Variants in HDAC9 observed in about 807,000 individuals in gnomAD.
HDAC9 encodes the protein MEF-2 interacting transcription repressor (MITR) protein.
A neutral mutation model predicts 139.4 loss-of-function variants in HDAC9; 41 were observed. The observed-to-expected ratio is 0.29, with a 90% CI of 0.23 to 0.38. The LOEUF is 0.38. Among genes scored for constraint, HDAC9 ranks in the 10% least tolerant of loss-of-function variants. The pLI is 1.00. For synonymous variants in HDAC9, 517 were observed against 476.2 expected, an observed-to-expected ratio of 1.09 and a Z score of -1.12; for missense variants, 1,147 against 1,297.0, an observed-to-expected ratio of 0.88 and a Z score of 1.78.
intron 2 of HDAC9, among the ~76,000 whole-genome samples, chr7:18,519,461 GA>G (rs948586071): frequency 1.3e-5 from 2 of 152,108 alleles, no homozygotes; most frequent in Non-Finnish European, 2.9e-5. Context: ...CAAAGGCTAT[GA>G]ATAAGACATT....
chr7:18,133,571 G>A (rs991506677), intron 1 of HDAC9, among the ~76,000 whole-genome samples: 4 of 152,126 alleles, frequency 2.6e-5, no homozygotes, highest in African/African-American at 9.7e-5. Flanking sequence ...ATTATAGGAT[G>A]CACATGTTAT....
intron 2 of HDAC9, among the ~76,000 whole-genome samples, chr7:18,525,372 C>T (rs570174360): frequency 6.6e-6 from 1 of 151,960 alleles, no homozygotes; most frequent in East Asian, 1.9e-4. Flanking sequence ...TATCTTTTGT[C>T]CTTTTCTACT....
chr7:18,492,427 T>C (rs915280824), upstream of HDAC9, among the ~76,000 whole-genome samples: 1 of 152,008 alleles, frequency 6.6e-6, no homozygotes, highest in Admixed American at 6.6e-5. Flanking sequence ...AATTGGATTA[T>C]GGTAACTTTG....
At chr7:18,098,222 G>T (rs1438072697) in intron 1 of HDAC9, among the ~76,000 whole-genome samples, 1 of 152,152 alleles carries the variant, frequency 6.6e-6, no homozygotes, top group Non-Finnish European at 1.5e-5. Context: ...CCTGCAAATG[G>T]CTGAGATCTT....
chr7:18,452,669 A>G (rs543826722), intron 1 of HDAC9, among the ~76,000 whole-genome samples: 8 of 152,264 alleles, frequency 5.3e-5, no homozygotes, highest in African/African-American at 1.9e-4. Context: ...TCATGGGGAC[A>G]GGTTTTTCCC....
chr7:18,701,388 C>T (rs1272304224), intron 12 of HDAC9, among the ~76,000 whole-genome samples: 3 of 137,996 alleles, frequency 2.2e-5, no homozygotes, highest in African/African-American at 8.6e-5. Context: ...TCTGTTGTGG[C>T]GTCTGATTTA....
At chr7:18,276,222 T>C (rs1796708442) in intron 2 of HDAC9, among the ~76,000 whole-genome samples, 1 of 152,172 alleles carries the variant, frequency 6.6e-6, no homozygotes, top group Non-Finnish European at 1.5e-5. Flanking sequence ...TGTATGAAAC[T>C]AGGAATGGAA....
chr7:18,439,445 T>A (rs530182441), intron 1 of HDAC9, among the ~76,000 whole-genome samples: 5 of 152,328 alleles, frequency 3.3e-5, no homozygotes, highest in African/African-American at 1.2e-4. Context: ...GTCTCTCACT[T>A]AGGTAAAGAC....
At chr7:18,867,722 G>A (rs956149545) in intron 21 of HDAC9, among the ~76,000 whole-genome samples, 2 of 151,932 alleles carry the variant, frequency 1.3e-5, no homozygotes, top group South Asian at 4.2e-4. Flanking sequence ...TTTTAGTTCC[G>A]AAAAATTATC....
intron 8 of HDAC9, among the ~76,000 whole-genome samples, chr7:18,636,828 C>A (rs1784043066): frequency 6.6e-6 from 1 of 151,870 alleles, no homozygotes; most frequent in African/African-American, 2.4e-5. Flanking sequence ...TTGGTCCATT[C>A]TCTGCAACTA....
intron 17 of HDAC9, among the ~76,000 whole-genome samples, chr7:18,826,134 A>G (rs759481669): frequency 5.3e-5 from 8 of 152,134 alleles, no homozygotes; most frequent in Non-Finnish European, 1.0e-4. Flanking sequence ...CCCAGATTGC[A>G]TTAGGACTCA....
In HDAC9 at chr7:18,996,939, A is replaced by C. The variant is rs1218136585; in HGVS notation, c.*877A>C. ...CTTTGAAAAGCACGTAACTTTTCAA[A>C]GGTGGTCTTAATTTGTTGCATATCT... On this transcript the variant is annotated 3_prime_UTR_variant, in exon 26 of 26. Coordinates refer to ENST00000686413, the MANE Select transcript of HDAC9 (RefSeq NM_178425.4). 6.6e-6 allele frequency: 1 copy of C among 152,190 alleles called. No homozygotes were observed. Among genetic ancestry groups the C allele is most frequent in the Non-Finnish European group, 1.5e-5 (1 of 68,042 alleles). 9.4% of individuals were successfully genotyped at this position (152,190 alleles called of 1,614,324 possible).
chr7:18,975,701 G>A (rs1193578541), intron 24 of HDAC9, 105 bp from the exon 25 acceptor site: 12 of 1,057,134 alleles, frequency 1.1e-5, no homozygotes, highest in Non-Finnish European at 1.7e-5. Context: ...GTATAACATG[G>A]GGAATTTTAA....
At chr7:18,837,946 G>A (rs1421360284) in intron 21 of HDAC9, among the ~76,000 whole-genome samples, 1 of 152,040 alleles carries the variant, frequency 6.6e-6, no homozygotes, top group African/African-American at 2.4e-5. Context: ...GCTTCCCAGT[G>A]TATCTCCATT....
chr7:18,428,396 A>G (rs561928949), intron 1 of HDAC9, among the ~76,000 whole-genome samples: 1 of 152,328 alleles, frequency 6.6e-6, no homozygotes, highest in South Asian at 2.1e-4. Context: ...TAAATGGTTA[A>G]TTTCCAAAAT....
intron 1 of HDAC9, among the ~76,000 whole-genome samples, chr7:18,300,933 G>C (rs543219446): frequency 6.6e-6 from 1 of 152,198 alleles, no homozygotes; most frequent in South Asian, 2.1e-4. Context: ...TAATAAGGGA[G>C]AGCTCACACT....
At chr7:18,729,558 G>A (rs939205632) in intron 13 of HDAC9, among the ~76,000 whole-genome samples, 1 of 152,108 alleles carries the variant, frequency 6.6e-6, no homozygotes, top group African/African-American at 2.4e-5. Context: ...CAAATGGATA[G>A]GGTTTGTAGA....
chr7:18,504,708 CTG>C (rs1799288810), intron 2 of HDAC9, among the ~76,000 whole-genome samples: 1 of 152,150 alleles, frequency 6.6e-6, no homozygotes, highest in Admixed American at 6.5e-5. Flanking sequence ...AAAAGTTTCT[CTG>C]TGTATCACTT....
intron 1 of HDAC9, among the ~76,000 whole-genome samples, chr7:18,095,080 T>G (rs1782420281): frequency 6.6e-6 from 1 of 152,148 alleles, no homozygotes; most frequent in South Asian, 2.1e-4. Flanking sequence ...AGCATAGGTT[T>G]CTATAAGTGA....
Sources: gnomAD v4.1 joint callset for allele counts (sites outside exome capture counted in the v4.1 genomes callset) on GRCh38, gnomAD v4.1.1 for gene constraint, MANE v1.5 for transcripts, NCBI Gene and HGNC (gene_info 2026-07-23, HGNC 2026-07-21) for gene names.